Variants in CNPY1 observed in about 807,000 individuals in gnomAD.
CNPY1 encodes protein canopy homolog 1.
A neutral mutation model predicts 14.4 loss-of-function variants in CNPY1; 14 were observed. The observed-to-expected ratio is 0.97, with a 90% CI of 0.64 to 1.52. The LOEUF is 1.52. CNPY1 is among the 40% of genes most tolerant of loss of function. The probability of loss-of-function intolerance (pLI) is 0.00; values close to 1 mark genes in which losing one functional copy is unlikely to be tolerated. For synonymous variants in CNPY1, 43 were observed against 46.5 expected (o/e 0.92, Z 0.31); for missense variants, 129 against 131.5 (o/e 0.98, Z 0.09).
chr7:155,546,381 T>A lies in CNPY1; in HGVS notation c.-15+48A>T, dbSNP rs1243610696. ...TTTTTTTTTTTTAAGAGACGGGGGG[T>A]CTCACTATGTTGCCCAGGTAGGTCT... On this transcript the variant is annotated intron_variant, in intron 1 of 4. Coordinates refer to ENST00000636446, the MANE Select transcript of CNPY1 (RefSeq NM_001393663.1). 9 of 394,400 alleles carry A rather than the reference T, an allele frequency of 2.3e-5. No homozygotes were observed. The Admixed American group carries it at 4.1e-4, about 18-fold the overall frequency. 24.4% of individuals were successfully genotyped at this position (394,400 alleles called of 1,614,324 possible).
chr7:155,503,103 G>T lies in CNPY1; in HGVS notation c.403C>A (p.Leu135Met). 6.4e-7 allele frequency: 1 copy of T among 1,550,954 alleles called. No individual in the cohort carries two copies. The highest frequency in any genetic ancestry group is 1.1e-5 in the South Asian group (1 of 88,032). ...ADKLCSEKSD[L>M]CETSANHTEL ...GTATGATTAGCAGAAGTTTCACACA[G>T]ATCTGGAAAAAAAAAAAAAAGTAGA... The change falls in exon 5 of 5, where the codon CTG becomes ATG. Residue 135 changes from leucine to methionine, a missense_variant and splice_region_variant. Transcript: ENST00000636446.
intron 2 of CNPY1, among the ~76,000 whole-genome samples, chr7:155,544,844 T>C (rs1797140617): frequency 6.6e-6 from 1 of 152,216 alleles, no homozygotes. Context: ...AAGGGACCCC[T>C]GAGAGCCCAG....
At chr7:155,531,713 T>C (rs1192114623) in intron 2 of CNPY1, among the ~76,000 whole-genome samples, 1 of 152,200 alleles carries the variant, frequency 6.6e-6, no homozygotes, top group African/African-American at 2.4e-5. Flanking sequence ...GCATTCAGCT[T>C]CACACAATCA....
intron 2 of CNPY1, among the ~76,000 whole-genome samples, chr7:155,544,917 G>A (rs913845066): frequency 6.6e-6 from 1 of 152,184 alleles, no homozygotes; most frequent in Non-Finnish European, 1.5e-5. Flanking sequence ...TAACTGAGGC[G>A]CATTAGAAGC....
At chr7:155,509,304 C>A (rs2116685522) in intron 2 of CNPY1, among the ~76,000 whole-genome samples, 1 of 152,246 alleles carries the variant, frequency 6.6e-6, no homozygotes, top group African/African-American at 2.4e-5. Context: ...AGCGTAAATT[C>A]CAGTTTTTTA....
At chr7:155,540,678 C>T (rs537337626) in intron 2 of CNPY1, among the ~76,000 whole-genome samples, 2 of 152,376 alleles carry the variant, frequency 1.3e-5, no homozygotes, top group Non-Finnish European at 2.9e-5. Context: ...ACAATTCCCT[C>T]GGTGAACACA....
At chr7:155,544,200 G>A (rs1797133319) in intron 2 of CNPY1, among the ~76,000 whole-genome samples, 2 of 152,212 alleles carry the variant, frequency 1.3e-5, no homozygotes, top group African/African-American at 4.8e-5. Flanking sequence ...CATCCGCTGT[G>A]GGAGCTGCGG....
At chr7:155,511,373 A>C (rs574804888) in intron 2 of CNPY1, among the ~76,000 whole-genome samples, 1 of 152,236 alleles carries the variant, frequency 6.6e-6, no homozygotes, top group African/African-American at 2.4e-5. Flanking sequence ...GTTGCTGAGC[A>C]TATAAGTTTT....
intron 2 of CNPY1, among the ~76,000 whole-genome samples, chr7:155,530,163 G>T (rs768563005): frequency 1.3e-5 from 2 of 152,164 alleles, no homozygotes; most frequent in African/African-American, 4.8e-5. Flanking sequence ...TTGGGGCACG[G>T]TTCCACAACC....
chr7:155,514,253 ACGCTTC>A (rs1563088725), intron 2 of CNPY1, among the ~76,000 whole-genome samples: 1 of 152,260 alleles, frequency 6.6e-6, no homozygotes, highest in Non-Finnish European at 1.5e-5. Context: ...TAAAAAGAGG[ACGCTTC>A]CGTGATTCTG....
chr7:155,503,713 C>T (rs1340177355), intron 4 of CNPY1, among the ~76,000 whole-genome samples: 3 of 152,184 alleles, frequency 2.0e-5, no homozygotes, highest in South Asian at 4.1e-4. Flanking sequence ...GATACTTGAT[C>T]TCATCTTCAT....
At chr7:155,534,367 G>GCACACA (rs571726656) in intron 2 of CNPY1, among the ~76,000 whole-genome samples, 1 of 147,650 alleles carries the variant, frequency 6.8e-6, no homozygotes, top group African/African-American at 2.5e-5. Context: ...GTGCACACAG[G>GCACACA]CACACACACG....
At chr7:155,504,829 T>C (rs951579947) in intron 4 of CNPY1, among the ~76,000 whole-genome samples, 2 of 152,182 alleles carry the variant, frequency 1.3e-5, no homozygotes, top group Non-Finnish European at 2.9e-5. Context: ...AAGCAGAGTA[T>C]GACTGTCATA....
intron 4 of CNPY1, among the ~76,000 whole-genome samples, chr7:155,504,817 C>T (rs892479175): frequency 6.6e-6 from 1 of 152,050 alleles, no homozygotes; most frequent in Non-Finnish European, 1.5e-5. Context: ...ATCGCCTTCA[C>T]AAAGCAGAGT....
intron 4 of CNPY1, among the ~76,000 whole-genome samples, chr7:155,505,151 C>T (rs1436716043): frequency 4.6e-5 from 7 of 152,102 alleles, no homozygotes; most frequent in African/African-American, 1.4e-4. Flanking sequence ...AATTTATTCT[C>T]GGTTTTTAAC....
intron 2 of CNPY1, among the ~76,000 whole-genome samples, chr7:155,533,552 C>A (rs1210495756): frequency 6.6e-6 from 1 of 152,202 alleles, no homozygotes; most frequent in Non-Finnish European, 1.5e-5. Context: ...CGCGGGAAGC[C>A]CCGCAGCACC....
intron 2 of CNPY1, among the ~76,000 whole-genome samples, chr7:155,537,013 G>A (rs200082512): frequency 6.6e-6 from 1 of 152,332 alleles, no homozygotes; most frequent in East Asian, 1.9e-4. Flanking sequence ...AGGGATGTAA[G>A]GACCAGAGCA....
Position 155,502,818 on chromosome 7 carries a change from C to G in CNPY1, c.*250G>C, listed in dbSNP as rs1289422322. 1 of 492,890 alleles carries G rather than the reference C, an allele frequency of 2.0e-6. No individual in the cohort carries two copies. Among genetic ancestry groups the G allele is most frequent in the African/African-American group, 1.9e-5 (1 of 51,926 alleles). The allele number at this position is 492,890 out of a possible 1,614,324, so 30.5% of individuals were successfully genotyped here. A position where few individuals can be genotyped will look rare whatever the true frequency, so the allele number is the denominator to read the frequency against. On this transcript the variant is annotated 3_prime_UTR_variant, in exon 5 of 5. Coordinates refer to ENST00000636446, the MANE Select transcript of CNPY1 (RefSeq NM_001393663.1). Reference sequence around the variant, plus strand: ...CAGAATTAAATCCTCTATTGTCAAGCTTGATTTATCAAAATCTGCAAAGGT... The same window carrying G: ...CAGAATTAAATCCTCTATTGTCAAGGTTGATTTATCAAAATCTGCAAAGGT...
chr7:155,508,644 G>A (rs534098762), intron 3 of CNPY1, among the ~76,000 whole-genome samples: 1 of 152,326 alleles, frequency 6.6e-6, no homozygotes, highest in South Asian at 2.1e-4. Context: ...CTTCCGTAAA[G>A]TATCACTGAG....
Sources: allele counts gnomAD v4.1 joint callset (sites outside exome capture counted in the v4.1 genomes callset), GRCh38; gene constraint gnomAD v4.1.1; transcripts MANE v1.5; gene names NCBI Gene and HGNC (gene_info 2026-07-23, HGNC 2026-07-21).